LGI1: variants seen among roughly 807,000 people sequenced by gnomAD.
LGI1 encodes leucine-rich glioma-inactivated protein 1.
Under a neutral mutation model 57.7 loss-of-function variants are expected in LGI1, and 11 were observed. The ratio of observed to expected loss-of-function variants is 0.19; its 90% CI spans 0.12 to 0.32. The LOEUF (loss-of-function observed/expected upper bound fraction) is 0.32. Ranked by LOEUF, LGI1 falls within the 10% of genes least tolerant of loss-of-function variation. LGI1 has a pLI of 1.00. For missense variants in LGI1, 422 were observed against 661.9 expected, an observed-to-expected ratio of 0.64 and a Z score of 3.98; for synonymous variants, 222 against 241.9, an observed-to-expected ratio of 0.92 and a Z score of 0.76.
intron 2 of LGI1, chr10:93,768,288 C>T (rs1844554327): frequency 6.6e-6 from 1 of 152,196 alleles, no homozygotes; most frequent in Non-Finnish European, 1.5e-5. Flanking sequence ...ACTCACCAGT[C>T]CTGGGGAAGT....
At chr10:93,762,987 A>G (rs895378491) in intron 2 of LGI1, 20 of 152,308 alleles carry the variant, frequency 1.3e-4, no homozygotes, top group African/African-American at 4.3e-4. Flanking sequence ...ATCCTGTCCG[A>G]CAGCATGAGA....
intron 4 of LGI1, among the ~76,000 whole-genome samples, chr10:93,779,391 A>C (rs959490683): frequency 7.6e-6 from 1 of 132,268 alleles, no homozygotes; most frequent in Non-Finnish European, 1.5e-5. Flanking sequence ...GGAGGGAAGG[A>C]AAGAAAGAAG....
At chr10:93,780,134 T>C (rs2059833705) in intron 4 of LGI1, 1 of 152,430 alleles carries the variant, frequency 6.6e-6, no homozygotes, top group Non-Finnish European at 1.5e-5. Flanking sequence ...ATTTTCTCAC[T>C]GAGTGCCTTT....
At chr10:93,773,358 G>A (rs2059758579) in intron 2 of LGI1, among the ~76,000 whole-genome samples, 1 of 152,156 alleles carries the variant, frequency 6.6e-6, no homozygotes, top group Non-Finnish European at 1.5e-5. Flanking sequence ...GTGGAAAAGG[G>A]TACTGAACCA....
At position 93,786,005 on chromosome 10, in the gene LGI1, T is replaced by C. The variant is rs1156961921; in HGVS notation, c.432-4094T>C. Among the ~76,000 whole-genome samples, 2 of 45,208 alleles carry C rather than the reference T, an allele frequency of 4.4e-5. 1 individual carries two copies. The highest frequency in any genetic ancestry group is 6.2e-5 in the African/African-American group (2 of 32,480). The allele number at this position is 45,208 out of a possible 152,430, so 29.7% of individuals were successfully genotyped here. On this transcript the variant is annotated intron_variant, in intron 4 of 7. Transcript: ENST00000371418. ...CAGCAGCCCTCCGCTGCAGCAAATC[T>C]CCCTGAAGCCCTCAGATGCCCATGA... is the stretch of plus-strand genomic sequence containing the variant.
intron 7 of LGI1, chr10:93,794,050 G>A (rs1345247536): frequency 7.7e-5 from 9 of 116,570 alleles, no homozygotes; most frequent in African/African-American, 1.7e-4. Context: ...ACAGAGTCTC[G>A]CTCTGTCACC....
chr10:93,765,985 A>G (rs1004080358), intron 2 of LGI1, among the ~76,000 whole-genome samples: 3 of 151,850 alleles, frequency 2.0e-5, no homozygotes, highest in Admixed American at 6.6e-5. Flanking sequence ...AAAAAAAAAA[A>G]AAAAGAAATG....
At chr10:93,790,010 A>G in intron 4 of LGI1, 89 bp from the exon 5 acceptor site, 1 of 1,286,852 alleles carries the variant, frequency 7.8e-7, no homozygotes, top group East Asian at 2.4e-5. Context: ...TGGAAATGAC[A>G]AAAGAGACTC....
intron 2 of LGI1, among the ~76,000 whole-genome samples, chr10:93,759,593 A>G (rs1432490735): frequency 6.6e-6 from 1 of 152,188 alleles, no homozygotes; most frequent in African/African-American, 2.4e-5. Context: ...GCGGTATCAC[A>G]TGGGGGTCAA....
At chr10:93,790,352 T>C (rs2059926264) in intron 5 of LGI1, 182 bp downstream of exon 5, 1 of 600,792 alleles carries the variant, frequency 1.7e-6, no homozygotes, top group Non-Finnish European at 2.9e-6. Context: ...TTCTATGGTA[T>C]TTATCATTGG....
At chr10:93,786,735 C>A (rs2059894789) in intron 4 of LGI1, among the ~76,000 whole-genome samples, 1 of 17,202 alleles carries the variant, frequency 5.8e-5, no homozygotes, top group African/African-American at 6.1e-5. Context: ...TAACTAGGAC[C>A]ACAGGCACAC....
rs1310988091 is a variant in LGI1, at chr10:93,777,712, A to G, written c.431+95A>G. The G allele has an allele frequency of 3.0e-6, 3 of 985,072 alleles. No individual in the cohort carries two copies. The African/African-American group carries it at 4.8e-5, about 16-fold the overall frequency. 61.0% of individuals were successfully genotyped at this position (985,072 alleles called of 1,614,324 possible). On this transcript the variant is annotated intron_variant, in intron 4 of 7. Coordinates refer to ENST00000371418, the MANE Select transcript of LGI1 (RefSeq NM_005097.4). The stretch of plus-strand genomic sequence containing the variant: ...ATGCACCTACTTTATGAGTGTCCAT[A>G]AAAATTTAAGAAACCCAAATGACTT...
At chr10:93,783,355 G>A (rs915725749) in intron 4 of LGI1, among the ~76,000 whole-genome samples, 1 of 152,208 alleles carries the variant, frequency 6.6e-6, no homozygotes, top group African/African-American at 2.4e-5. Context: ...CAGCTTGGGT[G>A]ACAGAGCGAG....
chr10:93,778,390 CAT>C (rs2059814750), intron 4 of LGI1, among the ~76,000 whole-genome samples: 1 of 151,318 alleles, frequency 6.6e-6, no homozygotes, highest in African/African-American at 2.4e-5. Context: ...CACAGGCACA[CAT>C]GTGCATACAC....
chr10:93,793,985 A>G (rs1453361718), intron 7 of LGI1: 1 of 149,234 alleles, frequency 6.7e-6, no homozygotes, highest in African/African-American at 2.5e-5. Flanking sequence ...ATGGAATTTA[A>G]TTCTTTCTTT....
chr10:93,782,246 C>T (rs1250586603), intron 4 of LGI1, among the ~76,000 whole-genome samples: 2 of 152,196 alleles, frequency 1.3e-5, no homozygotes, highest in South Asian at 2.1e-4. Flanking sequence ...ATCAGTTCCT[C>T]GGCTTTGCAC....
At position 93,798,066 on chromosome 10, in the gene LGI1, A is replaced by G. The variant is rs1216604064; in HGVS notation, c.*263A>G. ...AAATAAGCGTTTAATGGTATCTGTT[A>G]CTCCAAAAAGAAATATTAATATGTA... On this transcript the variant is annotated 3_prime_UTR_variant, in exon 8 of 8. Coordinates refer to ENST00000371418, the MANE Select transcript of LGI1 (RefSeq NM_005097.4). 2.0e-6 allele frequency: 1 copy of G among 498,752 alleles called. No individual in the cohort carries two copies. The highest frequency in any genetic ancestry group is 1.9e-5 in the African/African-American group (1 of 51,880). The allele number at this position is 498,752 out of a possible 1,614,324, so 30.9% of individuals were successfully genotyped here.
At chr10:93,773,710 C>T (rs3781268) in intron 2 of LGI1, among the ~76,000 whole-genome samples, 74,921 of 151,922 alleles carry the variant, frequency 0.49, 19,275 homozygotes, top group Admixed American at 0.57. Flanking sequence ...AAGTGCACAG[C>T]CCTTTGGGGA....
In LGI1 at chr10:93,758,080, A is replaced by G; in HGVS notation, c.-65A>G. 4 of 1,451,088 alleles carry G rather than the reference A, an allele frequency of 2.8e-6. No homozygotes were observed. The highest frequency in any genetic ancestry group is 2.9e-6 in the Non-Finnish European group (3 of 1,035,672). The allele number at this position is 1,451,088 out of a possible 1,614,324, so 89.9% of individuals were successfully genotyped here. The stretch of plus-strand genomic sequence containing the variant: ...GGACTCCTATGTGACCTGTTCTTAG[A>G]GCAAGACAATCACCATCTGAATTCC... On this transcript the variant is annotated 5_prime_UTR_variant, in exon 1 of 8. Coordinates refer to ENST00000371418, the MANE Select transcript of LGI1 (RefSeq NM_005097.4). The surrounding 1 kb of genome is among the most constrained non-coding windows in gnomAD (Gnocchi z 4.7).
Sources: allele counts gnomAD v4.1 joint callset (sites outside exome capture counted in the v4.1 genomes callset), GRCh38; gene constraint gnomAD v4.1.1; non-coding constraint Gnocchi (gnomAD v3.1); transcripts MANE v1.5; gene names NCBI Gene and HGNC (gene_info 2026-07-23, HGNC 2026-07-21).